Variants in SKOR2 observed in about 807,000 individuals in gnomAD.
SKOR2 encodes the protein SKI family transcriptional corepressor 2, also known as LBX1 corepressor 1-like protein.
A neutral mutation model predicts 69.1 loss-of-function variants in SKOR2; 47 were observed. The ratio of observed to expected loss-of-function variants is 0.68; its 90% confidence interval spans 0.54 to 0.87. The LOEUF is 0.87. SKOR2 is among the 40% of genes least tolerant of loss of function. SKOR2 has a pLI of 0.00. For missense variants in SKOR2, 1,404 were observed against 1,472.2 expected, an observed-to-expected ratio of 0.95 and a Z score of 0.76; for synonymous variants, 717 against 672.6, an observed-to-expected ratio of 1.07 and a Z score of -1.02.
chr18:47,216,267 CTT>C (rs1416676627), intron 7 of SKOR2, among the ~76,000 whole-genome samples: 2 of 152,096 alleles, frequency 1.3e-5, no homozygotes, highest in Admixed American at 1.3e-4. Context: ...AAAAATATTT[CTT>C]TGTTTTGCAT....
At chr18:47,226,385 GA>G (rs2064178744) in intron 6 of SKOR2, among the ~76,000 whole-genome samples, 1 of 152,118 alleles carries the variant, frequency 6.6e-6, no homozygotes, top group African/African-American at 2.4e-5. Context: ...CTGTCCAACT[GA>G]ACATGATTTT....
At position 47,248,129 on chromosome 18, in the gene SKOR2, G is replaced by A. The variant is rs2064291115; in HGVS notation, c.1055C>T (p.Ala352Val). The A allele has an allele frequency of 4.6e-6, 6 of 1,297,264 alleles. No homozygotes were observed. Among genetic ancestry groups the A allele is most frequent in the Non-Finnish European group, 5.8e-6 (6 of 1,031,544 alleles). 80.4% of individuals were successfully genotyped at this position (1,297,264 alleles called of 1,614,324 possible). ...SGGAGTGGGGAGGGCVAGVGV... is the reference protein window; with the variant it reads ...SGGAGTGGGGVGGGCVAGVGV... ...CACGCCGGCCACACAGCCACCCCCA[G>A]CGCCGCCCCCACCAGTCCCCGCGCC... Residue 352 changes from alanine to valine, a missense_variant, in exon 2 of 9, where the codon GCT (alanine) becomes GTT (valine). Around this residue, in one of 3 missense-constraint regions of SKOR2, gnomAD observed 1,266 missense variants for 1,309.9 expected, o/e 0.97. Transcript: ENST00000425639. The surrounding 1 kb of genome is among the most constrained non-coding windows in gnomAD (Gnocchi z 6.4).
chr18:47,210,332 G>A (rs907247846), intron 8 of SKOR2, among the ~76,000 whole-genome samples: 2 of 152,044 alleles, frequency 1.3e-5, no homozygotes, highest in African/African-American at 2.4e-5. Flanking sequence ...TTTTCATTGC[G>A]TGTTTGTGTA....
At position 47,248,445 on chromosome 18, in the gene SKOR2, G is replaced by T; in HGVS notation, c.739C>A (p.Pro247Thr). 2.0e-6 allele frequency: 3 copies of T among 1,535,020 alleles called. No individual in the cohort carries two copies. The highest frequency in any genetic ancestry group is 2.6e-6 in the Non-Finnish European group (3 of 1,146,198). ...GGGTGGCAGGCGGGGTGCGCGCCCG[G>T]CTGGGGCAGTGCGCGCTTGCGGCTG... ...GGSRKRALPQPGAHPACHPLS... is the reference protein window; with the variant it reads ...GGSRKRALPQTGAHPACHPLS... Residue 247 changes from proline (P) to threonine (T), a missense_variant, in exon 2 of 9, where the codon CCG becomes ACG. Around this residue, in one of 3 missense-constraint regions of SKOR2, gnomAD observed 1,266 missense variants for 1,309.9 expected, o/e 0.97. Coordinates refer to ENST00000425639, the MANE Select transcript of SKOR2 (RefSeq NM_001278063.4). The surrounding 1 kb of genome is among the most constrained non-coding windows in gnomAD (Gnocchi z 6.4).
At chr18:47,246,454 T>C in intron 2 of SKOR2, 117 bp downstream of exon 2, 1 of 1,301,472 alleles carries the variant, frequency 7.7e-7, no homozygotes, top group Non-Finnish European at 1.0e-6. Flanking sequence ...ACTGAATATT[T>C]CATTTCTGTG....
chr18:47,212,307 G>A (rs993964819), intron 7 of SKOR2, among the ~76,000 whole-genome samples, 156 bp from the exon 8 acceptor site: 1 of 152,166 alleles, frequency 6.6e-6, no homozygotes, highest in Non-Finnish European at 1.5e-5. Context: ...GGTTTCTGGG[G>A]TATAGCATCC....
rs2077199173 is a variant in SKOR2 at position 47,248,103 on chromosome 18, C to G, written c.1081G>C (p.Gly361Arg). 46 of 1,352,800 alleles carry G rather than the reference C, an allele frequency of 3.4e-5. No homozygotes were observed. Among genetic ancestry groups the G allele is most frequent in the Non-Finnish European group, 4.2e-5 (44 of 1,057,448 alleles). The allele number at this position is 1,352,800 out of a possible 1,614,324, so 83.8% of individuals were successfully genotyped here. A position where few individuals can be genotyped will look rare whatever the true frequency, so the allele number is the denominator to read the frequency against. ...GAGGGCVAGV[G>R]VGAGAGAGAG... ...CCCGCCCCCGCGCCCGCGCCCACGC[C>G]CACGCCGGCCACACAGCCACCCCCA... The change falls in exon 2 of 9, where the codon GGC becomes CGC. Residue 361 changes from glycine (G) to arginine (R), a missense_variant. Physicochemically the swap from Gly to Arg is moderately radical, Grantham distance 125 (BLOSUM62 -2). This residue lies in a region of SKOR2 where 1,266 missense variants were observed against 1,309.9 expected (regional missense o/e 0.97). Transcript: ENST00000425639. The surrounding 1 kb of genome is among the most constrained non-coding windows in gnomAD (Gnocchi z 6.4).
At chr18:47,217,603 G>A (rs1028511194) in intron 7 of SKOR2, among the ~76,000 whole-genome samples, 5 of 152,210 alleles carry the variant, frequency 3.3e-5, no homozygotes, top group African/African-American at 1.2e-4. Context: ...GAGTATCAGA[G>A]CTGGGTCAGG....
chr18:47,211,192 A>G (rs995679425), intron 8 of SKOR2, among the ~76,000 whole-genome samples: 43 of 152,176 alleles, frequency 2.8e-4, no homozygotes, highest in African/African-American at 1.0e-3. Context: ...TGAGTTGAAA[A>G]TATGTTCCAG....
At position 47,245,478 on chromosome 18, in the gene SKOR2, A is replaced by ATTTTTTT. The variant is rs10670977; in HGVS notation, c.2677+13_2677+19dup. Reference sequence around the variant, plus strand: ...ATGCAGGCAAGAAAAGTGGCAGCTGATTTTTTTTTTTTTTTTTACCTGAAA... The same window carrying ATTTTTTT: ...ATGCAGGCAAGAAAAGTGGCAGCTGATTTTTTTTTTTTTTTTTTTTTTTTACCTGAAA... On this transcript the variant is annotated intron_variant, in intron 3 of 8. Coordinates refer to ENST00000425639, the MANE Select transcript of SKOR2 (RefSeq NM_001278063.4). The ATTTTTTT allele has an allele frequency of 0.047, 53,408 of 1,134,574 alleles. 585 individuals are homozygous for ATTTTTTT. Among genetic ancestry groups the ATTTTTTT allele is most frequent in the South Asian group, 0.052 (2,860 of 54,798 alleles). 70.3% of individuals were successfully genotyped at this position (1,134,574 alleles called of 1,614,324 possible).
At chr18:47,227,175 C>T (rs1285027053) in intron 6 of SKOR2, among the ~76,000 whole-genome samples, 1 of 151,656 alleles carries the variant, frequency 6.6e-6, no homozygotes, top group Non-Finnish European at 1.5e-5. Context: ...CCTTTCCTGC[C>T]TCTTCCTCCT....
chr18:47,230,965 G>A lies in SKOR2; in HGVS notation c.2788C>T (p.Leu930=), dbSNP rs1276269107. The A allele has an allele frequency of 6.5e-7, 1 of 1,535,606 alleles. No individual in the cohort carries two copies. Among genetic ancestry groups the A allele is most frequent in the Non-Finnish European group, 8.7e-7 (1 of 1,146,752 alleles). Reference sequence around the variant, plus strand: ...CCCATATTTTCTACATCCTTTTTCAGTGAATGAGGTGAGTTGGTTTCTTGT... The same window carrying A: ...CCCATATTTTCTACATCCTTTTTCAATGAATGAGGTGAGTTGGTTTCTTGT... ...HTQETNSPHS[L]KKDVENMGKE... The change falls in exon 5 of 9, where the codon CTG becomes TTG. Residue 930 remains leucine, a synonymous_variant. Transcript: ENST00000425639.
chr18:47,247,026 C>G lies in SKOR2; in HGVS notation c.2158G>C (p.Gly720Arg), dbSNP rs774529226. 1 of 1,414,294 alleles carries G rather than the reference C, an allele frequency of 7.1e-7. No individual in the cohort carries two copies. 87.6% of individuals were successfully genotyped at this position (1,414,294 alleles called of 1,614,324 possible). A position where few individuals can be genotyped will look rare whatever the true frequency, so the allele number is the denominator to read the frequency against. ...CTGGGGTAGCAGCAGCTGGTTCCCC[C>G]GGGAGACAGAAGGCCTCGGTGGTGC... ...HPHHRGLLSP[G>R]GTSCCYPSED... The change falls in exon 2 of 9, where the codon GGG becomes CGG. Residue 720 changes from glycine (G) to arginine (R), a missense_variant. Gly to Arg is a moderately radical substitution (Grantham distance 125). Transcript: ENST00000425639. This position sits in a 1 kb window ranked among gnomAD's most constrained non-coding sequence, Gnocchi z 6.6.
In SKOR2 at chr18:47,248,143, A is replaced by G. The variant is rs926294241; in HGVS notation, c.1041T>C (p.Thr347=). Residue 347 remains threonine, a synonymous_variant, in exon 2 of 9, where the codon ACT becomes ACC. Transcript: ENST00000425639. This position sits in a 1 kb window ranked among gnomAD's most constrained non-coding sequence, Gnocchi z 6.4. ...SVAAASGGAG[T]GGGGAGGGCV... ...AGCCACCCCCAGCGCCGCCCCCACC[A>G]GTCCCCGCGCCGCCCGAAGCAGCAG... The G allele has an allele frequency of 2.4e-6, 3 of 1,268,332 alleles. No homozygotes were observed. The highest frequency in any genetic ancestry group is 3.1e-5 in the African/African-American group (2 of 63,928). The allele number at this position is 1,268,332 out of a possible 1,614,324, so 78.6% of individuals were successfully genotyped here.
At position 47,248,163 on chromosome 18, in the gene SKOR2, C is replaced by T; in HGVS notation, c.1021G>A (p.Ala341Thr). The T allele has an allele frequency of 8.0e-7, 1 of 1,252,254 alleles. No individual in the cohort carries two copies. Among genetic ancestry groups the T allele is most frequent in the Non-Finnish European group, 1.0e-6 (1 of 1,004,700 alleles). 77.6% of individuals were successfully genotyped at this position (1,252,254 alleles called of 1,614,324 possible). ...CCACCAGTCCCCGCGCCGCCCGAAG[C>T]AGCAGCCACAGAGAGGCTGGCGGCT... ...AAAASLSVAA[A>T]SGGAGTGGGG... The change falls in exon 2 of 9, where the codon GCT becomes ACT. Residue 341 changes from alanine (A) to threonine (T), a missense_variant. Transcript: ENST00000425639. The surrounding 1 kb of genome is among the most constrained non-coding windows in gnomAD (Gnocchi z 6.4).
In SKOR2 at chr18:47,245,355, A is replaced by C. The variant is rs953143675; in HGVS notation, c.2677+143T>G. Reference sequence around the variant, plus strand: ...GAAATATAAACTCTGATATTCAAAAACAAAACCAAAAAAGAGCCCACAAAT... The same window carrying C: ...GAAATATAAACTCTGATATTCAAAACCAAAACCAAAAAAGAGCCCACAAAT... On this transcript the variant is annotated intron_variant, in intron 3 of 8. Coordinates refer to ENST00000425639, the MANE Select transcript of SKOR2 (RefSeq NM_001278063.4). 39 of 778,728 alleles carry C rather than the reference A, an allele frequency of 5.0e-5. 1 individual carries two copies. The East Asian group carries it at 6.4e-4, about 13-fold the overall frequency. 48.2% of individuals were successfully genotyped at this position (778,728 alleles called of 1,614,324 possible).
At chr18:47,212,327 G>A (rs1025496385) in intron 7 of SKOR2, among the ~76,000 whole-genome samples, 176 bp from the exon 8 acceptor site, 10 of 152,212 alleles carry the variant, frequency 6.6e-5, no homozygotes, top group African/African-American at 2.2e-4. Flanking sequence ...CTTAAGGCCT[G>A]TTAACAAGTA....
At chr18:47,251,341 G>C (rs1335048916) in intron 1 of SKOR2, 33 bp downstream of exon 1, 1 of 152,226 alleles carries the variant, frequency 6.6e-6, no homozygotes, top group East Asian at 1.9e-4. Flanking sequence ...AGCAAGCTGT[G>C]TGCCGGATTG....
chr18:47,246,547 A>G, intron 2 of SKOR2, 24 bp downstream of exon 2: 1 of 1,490,532 alleles, frequency 6.7e-7, no homozygotes, highest in Non-Finnish European at 8.8e-7. Context: ...AATTAGCTTG[A>G]AGGAGCCTAA....
Sources: gnomAD v4.1 joint callset for allele counts (sites outside exome capture counted in the v4.1 genomes callset) on GRCh38, gnomAD v4.1.1 for gene constraint, gnomAD v4.1.1 regional missense constraint, Gnocchi (gnomAD v3.1) non-coding constraint, MANE v1.5 for transcripts, NCBI Gene and HGNC (gene_info 2026-07-23, HGNC 2026-07-21) for gene names.